CDC14B: variants seen among roughly 807,000 people sequenced by gnomAD.
CDC14B encodes the protein dual specificity protein phosphatase CDC14B.
In CDC14B, 22 loss-of-function variants were observed where a neutral mutation model predicts 64.2. The observed-to-expected ratio is 0.34, with a 90% CI of 0.24 to 0.49. The LOEUF is 0.49. Among genes scored for constraint, CDC14B ranks in the 20% least tolerant of loss-of-function variants. CDC14B has a pLI of 0.99. For synonymous variants in CDC14B, 191 were observed against 215.8 expected (o/e 0.89, Z 1.01); for missense variants, 498 against 629.9 (o/e 0.79, Z 2.24).
chr9:96,498,742 T>G (rs1249042454), downstream of CDC14B, among the ~76,000 whole-genome samples: 3 of 152,244 alleles, frequency 2.0e-5, no homozygotes, highest in African/African-American at 7.2e-5. Context: ...TTTTAAGCAC[T>G]TTCCACGTGT....
At chr9:96,506,755 TTG>T (rs1488688233) in intron 13 of CDC14B, among the ~76,000 whole-genome samples, 1 of 152,152 alleles carries the variant, frequency 6.6e-6, no homozygotes, top group African/African-American at 2.4e-5. Context: ...AGGCAGATGC[TTG>T]CTGCAACCAG....
intron 5 of CDC14B, among the ~76,000 whole-genome samples, chr9:96,549,401 C>T (rs1039565283): frequency 6.6e-6 from 1 of 152,066 alleles, no homozygotes; most frequent in African/African-American, 2.4e-5. Flanking sequence ...TCACAGGCCA[C>T]ACTTTATGAA....
intron 2 of CDC14B, 58 bp from the exon 3 acceptor site, chr9:96,564,910 C>A: frequency 8.7e-7 from 1 of 1,147,170 alleles, no homozygotes; most frequent in Non-Finnish European, 1.2e-6. Flanking sequence ...AATATAAATG[C>A]CTTTTTTGGG....
intron 5 of CDC14B, among the ~76,000 whole-genome samples, chr9:96,543,262 A>G (rs892804746): frequency 6.6e-6 from 1 of 151,576 alleles, no homozygotes; most frequent in Non-Finnish European, 1.5e-5. Context: ...GTGAACCCGG[A>G]GGCGGAGCTT....
chr9:96,614,592 T>C (rs1340939734), intron 1 of CDC14B, among the ~76,000 whole-genome samples: 2 of 152,208 alleles, frequency 1.3e-5, no homozygotes, highest in African/African-American at 4.8e-5. Context: ...TTAGAGTCTT[T>C]AAATTTTTTT....
intron 12 of CDC14B, among the ~76,000 whole-genome samples, chr9:96,521,538 G>C (rs1226106011): frequency 6.6e-6 from 1 of 152,132 alleles, no homozygotes; most frequent in Non-Finnish European, 1.5e-5. Context: ...CTTTTAAGAA[G>C]AACCTCCCAG....
chr9:96,547,517 T>G (rs1278812497), intron 5 of CDC14B, among the ~76,000 whole-genome samples: 1 of 151,234 alleles, frequency 6.6e-6, no homozygotes, highest in African/African-American at 2.4e-5. Context: ...CTGAGTGCAG[T>G]GGCATAATGA....
chr9:96,602,400 C>T (rs1846545787), intron 1 of CDC14B, among the ~76,000 whole-genome samples: 1 of 152,148 alleles, frequency 6.6e-6, no homozygotes. Context: ...TTTTTTATTA[C>T]CACATATGTT....
intron 9 of CDC14B, among the ~76,000 whole-genome samples, chr9:96,530,550 G>C (rs1262662142): frequency 6.6e-6 from 1 of 151,586 alleles, no homozygotes; most frequent in African/African-American, 2.4e-5. Context: ...AAAGTGCTAG[G>C]ATTACAGCCA....
chr9:96,516,830 C>T (rs183409754), intron 12 of CDC14B, among the ~76,000 whole-genome samples: 1,919 of 151,898 alleles, frequency 0.013, 20 homozygotes, highest in Non-Finnish European at 0.019. Flanking sequence ...TCACTCTTGT[C>T]GCCCAGGCTG....
chr9:96,570,427 A>G (rs1844400643), intron 1 of CDC14B, among the ~76,000 whole-genome samples: 1 of 152,194 alleles, frequency 6.6e-6, no homozygotes, highest in Non-Finnish European at 1.5e-5. Flanking sequence ...GGCAGAGCCA[A>G]TGGAGAAATG....
At chr9:96,518,396 TC>T (rs1836088100) in intron 12 of CDC14B, among the ~76,000 whole-genome samples, 1 of 152,128 alleles carries the variant, frequency 6.6e-6, no homozygotes, top group African/African-American at 2.4e-5. Flanking sequence ...GTGCCTGTAT[TC>T]CCAGCTACTC....
In CDC14B at chr9:96,562,728, G is replaced by A. The variant is rs1843380223; in HGVS notation, c.385C>T (p.Gln129Ter). 3 of 1,612,104 alleles carry A rather than the reference G, an allele frequency of 1.9e-6. No homozygotes were observed. The highest frequency in any genetic ancestry group is 2.5e-6 in the Non-Finnish European group (3 of 1,178,372). Residue 129 changes from glutamine to a stop codon, truncating the protein, a stop_gained, in exon 4 of 14, where the codon CAA becomes TAA. Coordinates refer to ENST00000375241, the MANE Select transcript of CDC14B (RefSeq NM_033331.4). LOFTEE classifies it high-confidence loss of function. ...CCAACAAGGAAGGCAGCATTTGCTTGTTTTCTCTGATCAGAGCCAGTAAAA... is the reference window on the plus strand; with the variant it reads ...CCAACAAGGAAGGCAGCATTTGCTTATTTTCTCTGATCAGAGCCAGTAAAA... ...VHFTGSDQRK[Q>*]ANAAFLVGCY...
rs771313509 is a variant in CDC14B, at chr9:96,619,365, C to G, written c.14G>C (p.Ser5Thr). The change falls in exon 1 of 14, where the codon AGC (serine) becomes ACC (threonine). Residue 5 changes from serine (S) to threonine (T), a missense_variant. Coordinates refer to ENST00000375241, the MANE Select transcript of CDC14B (RefSeq NM_033331.4). ...GGCGGCCCAGCTCGACCGCCGCTCG[C>G]TTTTCCGCTTCATGGAGGCGGCCGC... MKRKSERRSSWAAAP... is the reference protein window; with the variant it reads MKRKTERRSSWAAAP... The G allele has an allele frequency of 5.8e-5, 71 of 1,225,572 alleles. No homozygotes were observed. The highest frequency in any genetic ancestry group is 8.1e-5 in the Admixed American group (2 of 24,596). The allele number at this position is 1,225,572 out of a possible 1,614,324, so 75.9% of individuals were successfully genotyped here.
At chr9:96,607,696 T>C (rs1847061492) in intron 1 of CDC14B, among the ~76,000 whole-genome samples, 1 of 152,214 alleles carries the variant, frequency 6.6e-6, no homozygotes, top group Admixed American at 6.5e-5. Flanking sequence ...GTGCTGGGAT[T>C]ACAGGCGTGA....
At chr9:96,571,169 C>T (rs1000446303) in intron 1 of CDC14B, among the ~76,000 whole-genome samples, 4 of 149,740 alleles carry the variant, frequency 2.7e-5, no homozygotes, top group African/African-American at 5.0e-5. Context: ...AAAATTATAA[C>T]GAAAAAAAAA....
chr9:96,532,140 C>T (rs367907373), intron 9 of CDC14B, among the ~76,000 whole-genome samples: 3 of 152,192 alleles, frequency 2.0e-5, no homozygotes, highest in Non-Finnish European at 2.9e-5. Flanking sequence ...CAAATTATCT[C>T]GTTACGATAA....
chr9:96,507,929 G>A (rs746040663), intron 13 of CDC14B, among the ~76,000 whole-genome samples: 3 of 152,020 alleles, frequency 2.0e-5, no homozygotes, highest in South Asian at 2.1e-4. Flanking sequence ...CAGATGTATT[G>A]TAGGTATATA....
At chr9:96,579,716 C>T (rs1325655930) in intron 1 of CDC14B, among the ~76,000 whole-genome samples, 5 of 152,176 alleles carry the variant, frequency 3.3e-5, no homozygotes, top group South Asian at 2.1e-4. Flanking sequence ...AAGCCAACCC[C>T]GCTGGCTCCT....
Sources: gnomAD v4.1 joint callset for allele counts (sites outside exome capture counted in the v4.1 genomes callset) on GRCh38, gnomAD v4.1.1 for gene constraint, MANE v1.5 for transcripts, NCBI Gene and HGNC (gene_info 2026-07-23, HGNC 2026-07-21) for gene names.